Variants in SOX5 observed in about 807,000 individuals in gnomAD.
SOX5 encodes the protein transcription factor SOX-5.
In SOX5, 9 loss-of-function variants were observed where a neutral mutation model predicts 92.0. That is an observed-to-expected ratio of 0.10 (90% CI 0.06 to 0.17). The LOEUF (loss-of-function observed/expected upper bound fraction) is 0.17, where lower values mean the gene tolerates loss of function less well. SOX5 is among the 10% of genes least tolerant of loss of function. The probability of loss-of-function intolerance (pLI) is 1.00; values close to 1 mark genes in which losing one functional copy is unlikely to be tolerated. For missense variants in SOX5, 642 were observed against 944.5 expected (o/e 0.68, Z 4.20); for synonymous variants, 344 against 336.3 (o/e 1.02, Z -0.25).
chr12:23,968,834 C>T (rs930241226), intron 4 of SOX5, among the ~76,000 whole-genome samples: 3 of 152,140 alleles, frequency 2.0e-5, no homozygotes, highest in Non-Finnish European at 2.9e-5. Context: ...GTTTCTTCTA[C>T]GCTCAACCTT....
intron 3 of SOX5, among the ~76,000 whole-genome samples, chr12:23,772,666 C>A: frequency 6.6e-6 from 1 of 152,088 alleles, no homozygotes; most frequent in Non-Finnish European, 1.5e-5. Flanking sequence ...TTATAGCTAG[C>A]CTTCCTCTTT....
chr12:23,914,670 T>C (rs1277010693), intron 1 of SOX5, among the ~76,000 whole-genome samples: 1 of 152,088 alleles, frequency 6.6e-6, no homozygotes, highest in East Asian at 1.9e-4. Context: ...CAATTACTAG[T>C]CTCATTATTA....
At chr12:24,194,420 G>A (rs1401218787) in intron 4 of SOX5, among the ~76,000 whole-genome samples, 4 of 105,032 alleles carry the variant, frequency 3.8e-5, no homozygotes, top group Non-Finnish European at 7.6e-5. Context: ...TAGGTAGGTA[G>A]GTAGGTAGGT....
chr12:23,608,533 TTG>T (rs1452641247), intron 8 of SOX5, among the ~76,000 whole-genome samples: 1 of 152,204 alleles, frequency 6.6e-6, no homozygotes, highest in African/African-American at 2.4e-5. Flanking sequence ...ACCTAGATTT[TTG>T]TCTCTTCAAC....
At chr12:24,046,804 T>A (rs1230054286) in intron 4 of SOX5, among the ~76,000 whole-genome samples, 4 of 151,266 alleles carry the variant, frequency 2.6e-5, no homozygotes, top group Non-Finnish European at 4.4e-5. Flanking sequence ...CTCAGCCTCC[T>A]GAGTAGCTGG....
At chr12:24,195,634 T>C (rs1594144842) in intron 4 of SOX5, among the ~76,000 whole-genome samples, 1 of 152,288 alleles carries the variant, frequency 6.6e-6, no homozygotes. Context: ...ACCTATGTGG[T>C]CCAAACTGCA....
At chr12:24,208,411 T>C (rs1958244898) in intron 4 of SOX5, among the ~76,000 whole-genome samples, 2 of 152,202 alleles carry the variant, frequency 1.3e-5, no homozygotes, top group African/African-American at 2.4e-5. Context: ...CTTACCTTTA[T>C]AGTCACTATT....
intron 1 of SOX5, among the ~76,000 whole-genome samples, chr12:23,932,263 T>G (rs1941610225): frequency 6.6e-6 from 1 of 151,652 alleles, no homozygotes; most frequent in Non-Finnish European, 1.5e-5. Flanking sequence ...GCAAGTGGCC[T>G]GGACTCCTCA....
chr12:24,080,220 T>G (rs576949604), intron 4 of SOX5, among the ~76,000 whole-genome samples: 3 of 151,974 alleles, frequency 2.0e-5, no homozygotes, highest in Non-Finnish European at 4.4e-5. Context: ...AATGCCTCTG[T>G]GTATTTTAGT....
chr12:23,630,600 T>C (rs1252006900), intron 8 of SOX5, among the ~76,000 whole-genome samples: 1 of 152,036 alleles, frequency 6.6e-6, no homozygotes, highest in Admixed American at 6.6e-5. Context: ...TATTAAATAT[T>C]AACTCAAATC....
At chr12:24,477,030 A>G (rs1945467200) in intron 1 of SOX5, among the ~76,000 whole-genome samples, 1 of 150,990 alleles carries the variant, frequency 6.6e-6, no homozygotes, top group East Asian at 1.9e-4. Context: ...GTTCATTCCA[A>G]TCTAAAGAAA....
At chr12:23,642,124 T>A (rs1403194716) in intron 7 of SOX5, among the ~76,000 whole-genome samples, 1 of 152,176 alleles carries the variant, frequency 6.6e-6, no homozygotes. Flanking sequence ...TGTAATTTGT[T>A]GTGATTTGTT....
At chr12:24,372,841 G>C (rs1255991314) in intron 1 of SOX5, among the ~76,000 whole-genome samples, 2 of 151,830 alleles carry the variant, frequency 1.3e-5, no homozygotes, top group African/African-American at 2.4e-5. Flanking sequence ...CTTGGGGATG[G>C]GTGCAGTGGC....
intron 4 of SOX5, among the ~76,000 whole-genome samples, chr12:24,014,640 C>A (rs1413413671): frequency 6.6e-6 from 1 of 152,102 alleles, no homozygotes; most frequent in Admixed American, 6.6e-5. Context: ...TCAACTCATA[C>A]CTTAAACATT....
At chr12:24,367,982 G>A (rs1056372766) in intron 2 of SOX5, 2 of 152,020 alleles carry the variant, frequency 1.3e-5, no homozygotes, top group Non-Finnish European at 2.9e-5. Context: ...CATCCTGCAT[G>A]GTTACTGTAA....
chr12:23,997,686 C>T lies in SOX5; in HGVS notation c.-1-101662G>A, dbSNP rs576450029. Among the ~76,000 whole-genome samples the T allele has an allele frequency of 1.9e-4, 29 of 152,244 alleles. No homozygotes were observed. The South Asian group carries it at 6.0e-3, about 32-fold the overall frequency. The stretch of plus-strand genomic sequence containing the variant: ...TTTCAATGTGTTTCTCAATGAAACG[C>T]TGATCCATCAGCAAACAATAGAACT... On this transcript the variant is annotated intron_variant, in intron 4 of 4. Transcript: ENST00000446891.
At chr12:23,623,324 T>C (rs1054010630) in intron 8 of SOX5, among the ~76,000 whole-genome samples, 2 of 152,198 alleles carry the variant, frequency 1.3e-5, no homozygotes, top group East Asian at 3.8e-4. Context: ...ATATTTTTAT[T>C]AGCAAATTTT....
chr12:23,856,354 A>G (rs2096689432), intron 2 of SOX5, among the ~76,000 whole-genome samples: 1 of 152,194 alleles, frequency 6.6e-6, no homozygotes, highest in African/African-American at 2.4e-5. Flanking sequence ...TTGATGAGAT[A>G]CACAAAATCT....
chr12:23,746,438 G>A (rs1365828931), intron 4 of SOX5, among the ~76,000 whole-genome samples: 3 of 152,144 alleles, frequency 2.0e-5, no homozygotes, highest in Non-Finnish European at 4.4e-5. Context: ...CTCCATCTGA[G>A]TCAGATAGCT....
Sources: allele counts gnomAD v4.1 joint callset (sites outside exome capture counted in the v4.1 genomes callset), GRCh38; gene constraint gnomAD v4.1.1; transcripts MANE v1.5; gene names NCBI Gene and HGNC (gene_info 2026-07-23, HGNC 2026-07-21).